Variants in DLG1 observed in about 807,000 individuals in gnomAD.
DLG1 encodes disks large homolog 1.
DLG1 carries 42 observed loss-of-function variants against 123.4 expected under a neutral mutation model. That is an observed-to-expected ratio of 0.34 (90% CI 0.27 to 0.44). The LOEUF (loss-of-function observed/expected upper bound fraction) is 0.44. Ranked by LOEUF, DLG1 falls within the 20% of genes least tolerant of loss-of-function variation. The pLI is 1.00. For missense variants in DLG1, 942 were observed against 1,082.6 expected (o/e 0.87, Z 1.82); for synonymous variants, 317 against 356.2 (o/e 0.89, Z 1.24).
intron 5 of DLG1, among the ~76,000 whole-genome samples, chr3:197,171,578 T>G (rs1211093287): frequency 6.6e-6 from 1 of 152,150 alleles, no homozygotes; most frequent in African/African-American, 2.4e-5. Context: ...TGAGTACAAG[T>G]GTGTTAGTTC....
At chr3:197,044,941 AAAGT>A (rs1157683483) in intron 24 of DLG1, among the ~76,000 whole-genome samples, 12 of 152,170 alleles carry the variant, frequency 7.9e-5, no homozygotes, top group African/African-American at 2.9e-4. Flanking sequence ...AATGGATCAA[AAAGT>A]AAGACTTGGA....
At chr3:197,151,517 A>G (rs1793842161) in intron 5 of DLG1, among the ~76,000 whole-genome samples, 2 of 152,332 alleles carry the variant, frequency 1.3e-5, no homozygotes, top group South Asian at 4.1e-4. Flanking sequence ...AAACAATGGA[A>G]GGTTGGGAGT....
At chr3:197,184,085 T>C in intron 5 of DLG1, 1 of 1,198,624 alleles carries the variant, frequency 8.3e-7, no homozygotes, top group Non-Finnish European at 1.0e-6. Context: ...TGATTATTTT[T>C]TCACCAGCGT....
chr3:197,196,938 GTATCCATGCT>G (rs1477120952), intron 4 of DLG1, among the ~76,000 whole-genome samples: 1 of 152,156 alleles, frequency 6.6e-6, no homozygotes, highest in Non-Finnish European at 1.5e-5. Flanking sequence ...GTGTATGTGT[GTATCCATGCT>G]TATGAATGTA....
At chr3:197,047,510 C>T (rs1319868945) in intron 24 of DLG1, among the ~76,000 whole-genome samples, 2 of 149,664 alleles carry the variant, frequency 1.3e-5, no homozygotes, top group African/African-American at 2.5e-5. Flanking sequence ...AAACAAGTAA[C>T]AACAACAAAA....
At chr3:197,189,425 T>A (rs1448513470) in intron 5 of DLG1, among the ~76,000 whole-genome samples, 1 of 152,206 alleles carries the variant, frequency 6.6e-6, no homozygotes, top group Non-Finnish European at 1.5e-5. Flanking sequence ...ATTAACATAT[T>A]AAAGTGTGAT....
In DLG1 at chr3:197,140,160, G is replaced by A. The variant is rs374424117; in HGVS notation, c.693C>T (p.Ala231=). Residue 231 remains alanine (A), a synonymous_variant, in exon 8 of 25, where the codon GCC becomes GCT. Coordinates refer to ENST00000667157, the MANE Select transcript of DLG1 (RefSeq NM_001366207.1). ...CATACCGCAATCTTCCATCTTGGGC[G>A]GCTGCTCCCCCTGTGATAATTTTGG... ...FITKIITGGA[A]AQDGRLRVND... 107 of 1,613,230 alleles carry A rather than the reference G, an allele frequency of 6.6e-5. 2 individuals carry two copies. The Middle Eastern group carries it at 1.5e-3, about 22-fold the overall frequency.
intron 14 of DLG1, among the ~76,000 whole-genome samples, chr3:197,092,839 CTGAG>C (rs759236565): frequency 7.9e-5 from 12 of 152,168 alleles, no homozygotes; most frequent in East Asian, 1.9e-4. Context: ...TAGTTCCTTC[CTGAG>C]TATTACTGTT....
chr3:197,111,082 C>T (rs1335018878), intron 13 of DLG1, among the ~76,000 whole-genome samples: 1 of 152,132 alleles, frequency 6.6e-6, no homozygotes, highest in Non-Finnish European at 1.5e-5. Flanking sequence ...TTTCCTAGTG[C>T]TTTTAGGGCA....
intron 24 of DLG1, among the ~76,000 whole-genome samples, chr3:197,050,607 C>T (rs753934825): frequency 3.3e-5 from 5 of 152,066 alleles, no homozygotes; most frequent in African/African-American, 4.8e-5. Context: ...TTCATTTATA[C>T]GTGGAATCTA....
intron 12 of DLG1, among the ~76,000 whole-genome samples, chr3:197,116,894 T>C (rs1427395376): frequency 6.6e-6 from 1 of 152,172 alleles, no homozygotes; most frequent in African/African-American, 2.4e-5. Flanking sequence ...TTTTATCATA[T>C]TAGTGATGTT....
chr3:197,160,120 C>T (rs1430992309), intron 5 of DLG1, among the ~76,000 whole-genome samples: 1 of 152,102 alleles, frequency 6.6e-6, no homozygotes, highest in East Asian at 1.9e-4. Flanking sequence ...ATTCCAACCC[C>T]AGGTCATTCT....
intron 5 of DLG1, among the ~76,000 whole-genome samples, chr3:197,157,969 C>T (rs554138845): frequency 1.3e-5 from 2 of 152,228 alleles, no homozygotes; most frequent in South Asian, 2.1e-4. Context: ...AGGCTAAAAG[C>T]GAGACACTGG....
At chr3:197,247,450 T>C (rs1752291265) in intron 4 of DLG1, among the ~76,000 whole-genome samples, 1 of 151,990 alleles carries the variant, frequency 6.6e-6, no homozygotes, top group Non-Finnish European at 1.5e-5. Context: ...GAGGAGCTGG[T>C]TTCTGGCTTG....
chr3:197,201,989 T>C (rs2150333089), intron 4 of DLG1, among the ~76,000 whole-genome samples: 1 of 143,526 alleles, frequency 7.0e-6, no homozygotes, highest in South Asian at 2.2e-4. Context: ...AATGCAGACT[T>C]GCAGGGGTGG....
intron 4 of DLG1, among the ~76,000 whole-genome samples, chr3:197,255,954 G>A (rs1044430422): frequency 1.3e-5 from 2 of 152,070 alleles, no homozygotes; most frequent in Admixed American, 6.6e-5. Flanking sequence ...TAATGATGAT[G>A]ATGAAAATAA....
intron 9 of DLG1, 109 bp downstream of exon 9, chr3:197,138,113 T>C (rs1786036397): frequency 3.4e-6 from 2 of 591,330 alleles, no homozygotes; most frequent in Non-Finnish European, 2.6e-6. Flanking sequence ...TCAAGTTCTG[T>C]AGAATATTAC....
chr3:197,047,410 G>GA (rs951757594), intron 24 of DLG1, among the ~76,000 whole-genome samples: 4 of 151,926 alleles, frequency 2.6e-5, no homozygotes, highest in African/African-American at 9.7e-5. Flanking sequence ...AAATTAGTTT[G>GA]AAAAAAATAA....
intron 3 of DLG1, among the ~76,000 whole-genome samples, chr3:197,288,719 CAAAAAAAA>C (rs1214430122): frequency 6.5e-5 from 4 of 61,914 alleles, no homozygotes; most frequent in Non-Finnish European, 1.2e-4. Flanking sequence ...GAAACTGTCT[CAAAAAAAA>C]AAAAAAAAAA....
Sources: allele counts gnomAD v4.1 joint callset (sites outside exome capture counted in the v4.1 genomes callset), GRCh38; gene constraint gnomAD v4.1.1; transcripts MANE v1.5; gene names NCBI Gene and HGNC (gene_info 2026-07-23, HGNC 2026-07-21).